The following NCAN variants were observed in gnomAD, a reference collection of about 807,000 sequenced individuals.
NCAN encodes the protein neurocan.
Under a neutral mutation model 121.8 loss-of-function variants are expected in NCAN, and 47 were observed. The observed-to-expected ratio is 0.39, with a 90% CI of 0.31 to 0.49. The LOEUF (loss-of-function observed/expected upper bound fraction) is 0.49, where lower values mean the gene tolerates loss of function less well. Ranked by LOEUF, NCAN falls within the 20% of genes least tolerant of loss-of-function variation. The probability of loss-of-function intolerance (pLI) is 0.92; values close to 1 mark genes in which losing one functional copy is unlikely to be tolerated. For missense variants in NCAN, 1,517 were observed against 1,773.4 expected, an observed-to-expected ratio of 0.86 and a Z score of 2.60; for synonymous variants, 633 against 702.0, an observed-to-expected ratio of 0.90 and a Z score of 1.55.
At chr19:19,223,360 G>A (rs1380164823) in intron 3 of NCAN, among the ~76,000 whole-genome samples, 3 of 152,098 alleles carry the variant, frequency 2.0e-5, no homozygotes, top group Admixed American at 2.0e-4. Context: ...TATTTGCTGC[G>A]TGGGCCTGGA....
chr19:19,220,422 C>A (rs1599808927), intron 3 of NCAN, among the ~76,000 whole-genome samples: 1 of 139,876 alleles, frequency 7.1e-6, no homozygotes. Context: ...TAAGCAAGAA[C>A]AATTCTCAAA....
chr19:19,213,527 T>G (rs2060783636), intron 1 of NCAN, among the ~76,000 whole-genome samples: 3 of 143,322 alleles, frequency 2.1e-5, no homozygotes, highest in Admixed American at 6.9e-5. Context: ...GGCCCGAGAC[T>G]GTGGGTGTGT....
At chr19:19,242,429 C>T (rs775922226) in intron 12 of NCAN, among the ~76,000 whole-genome samples, 1 of 151,852 alleles carries the variant, frequency 6.6e-6, no homozygotes, top group Non-Finnish European at 1.5e-5. Flanking sequence ...GTGACTCACG[C>T]CTGTAATCCC....
Position 19,227,719 on chromosome 19 carries a change from C to T in NCAN, c.2099C>T (p.Ser700Phe), listed in dbSNP as rs139643195. 8.1e-6 allele frequency: 13 copies of T among 1,613,840 alleles called. No homozygotes were observed. The highest frequency in any genetic ancestry group is 1.3e-5 in the African/African-American group (1 of 74,934). ...GGEAMPTTPE[S>F]PRADFRETGE... is the part of the protein sequence containing the mutation. ...GAGGCCATGCCCACAACACCTGAGT[C>T]CCCCAGGGCAGACTTCAGAGAAACT... Residue 700 changes from serine to phenylalanine, a missense_variant, in exon 8 of 15, where the codon TCC (serine) becomes TTC (phenylalanine). Ser to Phe is a radical substitution (Grantham distance 155, BLOSUM62 -2). Transcript: ENST00000252575. This position sits in a 1 kb window ranked among gnomAD's most constrained non-coding sequence, Gnocchi z 4.2.
chr19:19,239,629 C>G (rs1179370040), intron 11 of NCAN, among the ~76,000 whole-genome samples: 4 of 103,142 alleles, frequency 3.9e-5, no homozygotes, highest in Non-Finnish European at 6.1e-5. Context: ...TCTCCTCCCC[C>G]TTCCCTCCCC....
At chr19:19,214,514 T>C (rs774111779) in intron 1 of NCAN, among the ~76,000 whole-genome samples, 18 of 152,132 alleles carry the variant, frequency 1.2e-4, no homozygotes, top group Non-Finnish European at 1.8e-4. Context: ...TTTTAGCGTA[T>C]ACATGAGGCT....
chr19:19,239,936 A>C (rs1181223027), intron 11 of NCAN, among the ~76,000 whole-genome samples: 28 of 69,786 alleles, frequency 4.0e-4, no homozygotes, highest in African/African-American at 6.5e-4. Context: ...CCTCCCTCCC[A>C]TTCCTCTGCC....
At position 19,245,437 on chromosome 19, in the gene NCAN, A is replaced by T. The variant is rs766173220; in HGVS notation, c.3617A>T (p.Tyr1206Phe). 3 of 1,614,056 alleles carry T rather than the reference A, an allele frequency of 1.9e-6. No homozygotes were observed. Among genetic ancestry groups the T allele is most frequent in the Non-Finnish European group, 2.5e-6 (3 of 1,179,950 alleles). ...NDVPCNYNLPYVCKKGTVLCG... is the reference protein window; with the variant it reads ...NDVPCNYNLPFVCKKGTVLCG... Reference sequence around the variant, plus strand: ...GTCCCCTGCAACTACAACCTACCCTATGTCTGCAAGAAGGGCACAGGTATG... The same window carrying T: ...GTCCCCTGCAACTACAACCTACCCTTTGTCTGCAAGAAGGGCACAGGTATG... The change falls in exon 13 of 15, where the codon TAT (tyrosine) becomes TTT (phenylalanine). Residue 1206 changes from tyrosine (Y) to phenylalanine (F), a missense_variant. By Grantham distance (22) the Tyr-to-Phe change is conservative. Coordinates refer to ENST00000252575, the MANE Select transcript of NCAN (RefSeq NM_004386.3).
intron 3 of NCAN, among the ~76,000 whole-genome samples, chr19:19,220,633 A>AT (rs1475046787): frequency 4.6e-5 from 7 of 151,634 alleles, no homozygotes; most frequent in Non-Finnish European, 1.0e-4. Flanking sequence ...AATTTTTTGT[A>AT]TTTTTAGTAG....
chr19:19,238,216 G>A (rs754143108), intron 10 of NCAN, 37 bp from the exon 11 acceptor site: 1 of 1,613,020 alleles, frequency 6.2e-7, no homozygotes, highest in Non-Finnish European at 8.5e-7. Context: ...CTTGGGCCAA[G>A]GCCAGCCCCC....
rs1022346334 is a variant in NCAN at position 19,227,737 on chromosome 19, G to A, written c.2117G>A (p.Arg706Lys). 7 of 1,613,762 alleles carry A rather than the reference G, an allele frequency of 4.3e-6. No homozygotes were observed. The highest frequency in any genetic ancestry group is 1.7e-5 in the Admixed American group (1 of 60,004). ...CCTGAGTCCCCCAGGGCAGACTTCA[G>A]AGAAACTGGGGAGACCAGCCCTGCT... ...TTPESPRADF[R>K]ETGETSPAQV... Residue 706 changes from arginine to lysine, a missense_variant, in exon 8 of 15, where the codon AGA becomes AAA. Transcript: ENST00000252575. The surrounding 1 kb of genome is among the most constrained non-coding windows in gnomAD (Gnocchi z 4.2).
chr19:19,227,246 A>C lies in NCAN; in HGVS notation c.1661-35A>C, dbSNP rs759202432. ...GAGTCCAACCAAAGGGGCTGCTGAG[A>C]GATCATTGTAATGATTGCCTTGATG... is the stretch of plus-strand genomic sequence containing the variant. On this transcript the variant is annotated intron_variant, in intron 7 of 14. Transcript: ENST00000252575. This position sits in a 1 kb window ranked among gnomAD's most constrained non-coding sequence, Gnocchi z 4.2. 1 of 1,517,228 alleles carries C rather than the reference A, an allele frequency of 6.6e-7. No individual in the cohort carries two copies. The highest frequency in any genetic ancestry group is 1.3e-5 in the South Asian group (1 of 76,038). The allele number at this position is 1,517,228 out of a possible 1,614,324, so 94.0% of individuals were successfully genotyped here.
At chr19:19,245,057 G>T (rs570771979) in intron 12 of NCAN, among the ~76,000 whole-genome samples, 195 of 152,254 alleles carry the variant, frequency 1.3e-3, no homozygotes, top group African/African-American at 4.5e-3. Context: ...AAAATGAACT[G>T]GGTGCGGCCG....
chr19:19,232,435 C>T (rs539819052), intron 8 of NCAN, among the ~76,000 whole-genome samples: 5 of 152,380 alleles, frequency 3.3e-5, no homozygotes, highest in African/African-American at 1.2e-4. Context: ...CGTGTGCACA[C>T]ACGTGCAGGG....
Position 19,225,159 on chromosome 19 carries a change from C to A in NCAN, c.961C>A (p.Pro321Thr). The stretch of plus-strand genomic sequence containing the variant: ...CAGCGTGCGCTACCCGATCCAGACG[C>A]CGCGCCGGCGCTGCGGGGGCCCAGC... ...DGSVRYPIQT[P>T]RRRCGGPAPG... The change falls in exon 6 of 15, where the codon CCG (proline) becomes ACG (threonine). Residue 321 changes from proline to threonine, a missense_variant. Coordinates refer to ENST00000252575, the MANE Select transcript of NCAN (RefSeq NM_004386.3). This position sits in a 1 kb window ranked among gnomAD's most constrained non-coding sequence, Gnocchi z 4.0. 1 of 1,530,668 alleles carries A rather than the reference C, an allele frequency of 6.5e-7. No individual in the cohort carries two copies. Among genetic ancestry groups the A allele is most frequent in the Non-Finnish European group, 8.7e-7 (1 of 1,149,050 alleles). The allele number at this position is 1,530,668 out of a possible 1,614,324, so 94.8% of individuals were successfully genotyped here.
chr19:19,216,697 C>T (rs1359524796), intron 1 of NCAN, among the ~76,000 whole-genome samples: 1 of 152,248 alleles, frequency 6.6e-6, no homozygotes, highest in Middle Eastern at 3.2e-3. Flanking sequence ...CCACCTCAGC[C>T]TCCCAAAGTG....
chr19:19,225,000 GC>G lies in NCAN; in HGVS notation c.805del (p.Arg269AlafsTer3). On this transcript the variant is annotated frameshift_variant, in exon 6 of 15. Coordinates refer to ENST00000252575, the MANE Select transcript of NCAN (RefSeq NM_004386.3). LOFTEE classifies it high-confidence loss of function. ...AGGCGAGGTCTTCTACGTGGGCCCG[GC>G]CCGCCGCCTGACACTGGCCGGCGCG... ...LGGEVFYVGP[A>X]RRLTLAGARA... 2 of 1,457,916 alleles carry G rather than the reference GC, an allele frequency of 1.4e-6. No homozygotes were observed. The highest frequency in any genetic ancestry group is 1.8e-6 in the Non-Finnish European group (2 of 1,111,738). The allele number at this position is 1,457,916 out of a possible 1,614,324, so 90.3% of individuals were successfully genotyped here.
At chr19:19,246,118 A>G (rs941617427) in intron 13 of NCAN, among the ~76,000 whole-genome samples, 5 of 151,864 alleles carry the variant, frequency 3.3e-5, no homozygotes, top group African/African-American at 4.8e-5. Context: ...GCTCACTTCA[A>G]CCTCTGCCTC....
chr19:19,226,948 C>A lies in NCAN; in HGVS notation c.1535C>A (p.Thr512Asn). ...ATGGAGGCCAGCGCCCAGCCCCCCA[C>A]CTCAGAGGCTGCAGTGAACCAAATG... ...GGMEASAQPP[T>N]SEAAVNQMEP... The change falls in exon 7 of 15, where the codon ACC becomes AAC. Residue 512 changes from threonine (T) to asparagine (N), a missense_variant. Coordinates refer to ENST00000252575, the MANE Select transcript of NCAN (RefSeq NM_004386.3). The A allele has an allele frequency of 6.4e-7, 1 of 1,569,676 alleles. No homozygotes were observed. Among genetic ancestry groups the A allele is most frequent in the Non-Finnish European group, 8.6e-7 (1 of 1,158,186 alleles).
Sources: allele counts gnomAD v4.1 joint callset (sites outside exome capture counted in the v4.1 genomes callset), GRCh38; gene constraint gnomAD v4.1.1; non-coding constraint Gnocchi (gnomAD v3.1); transcripts MANE v1.5; gene names NCBI Gene and HGNC (gene_info 2026-07-23, HGNC 2026-07-21).